OSGIN2: variants seen among roughly 807,000 people sequenced by gnomAD.
The protein encoded by OSGIN2 is oxidative stress-induced growth inhibitor 2.
Under a neutral mutation model 53.8 loss-of-function variants are expected in OSGIN2, and 19 were observed. The ratio of observed to expected loss-of-function variants is 0.35; its 90% CI spans 0.25 to 0.52. The LOEUF (loss-of-function observed/expected upper bound fraction) is 0.52. Ranked by LOEUF, OSGIN2 falls within the 20% of genes least tolerant of loss-of-function variation. The pLI, the probability that OSGIN2 is intolerant of heterozygous loss-of-function variation, is 0.95. For missense variants in OSGIN2, 520 were observed against 662.7 expected (o/e 0.78, Z 2.36); for synonymous variants, 236 against 236.0 (o/e 1.00, Z 0.00).
chr8:89,925,076 TAA>T lies in OSGIN2; in HGVS notation c.1196_1197del (p.Lys399SerfsTer19), dbSNP rs1260037910. 2.5e-6 allele frequency: 4 copies of T among 1,613,666 alleles called. No individual in the cohort carries two copies. The Admixed American group carries it at 6.7e-5, about 27-fold the overall frequency. ...CCAAAAAGCTGTATCCTGAATATCA[TAA>T]AGTCTATCATATGATGTGTACTCAG... ...LPKKLYPEYH[K>X]VYHMMCTQSY... On this transcript the variant is annotated frameshift_variant, in exon 6 of 6. Coordinates refer to ENST00000451899, the MANE Select transcript of OSGIN2 (RefSeq NM_001126111.3). LOFTEE classifies it high-confidence loss of function.
intron 5 of OSGIN2, among the ~76,000 whole-genome samples, chr8:89,922,948 T>C (rs1487702189): frequency 6.6e-6 from 1 of 152,060 alleles, no homozygotes; most frequent in African/African-American, 2.4e-5. Context: ...TGTATCTAAA[T>C]ATACAAAAAG....
intron 2 of OSGIN2, among the ~76,000 whole-genome samples, chr8:89,912,197 A>T (rs1226597835): frequency 6.6e-6 from 1 of 152,246 alleles, no homozygotes; most frequent in African/African-American, 2.4e-5. Context: ...AATAAGTGGT[A>T]ATCCAGAATA....
rs770835741 is a variant in OSGIN2 at position 89,925,095 on chromosome 8, T to G, written c.1213T>G (p.Cys405Gly). Residue 405 changes from cysteine (C) to glycine (G), a missense_variant, in exon 6 of 6, where the codon TGT becomes GGT. Coordinates refer to ENST00000451899, the MANE Select transcript of OSGIN2 (RefSeq NM_001126111.3). ...ATATCATAAAGTCTATCATATGATGTGTACTCAGTCATATTCTGTAGACTC... is the reference window on the plus strand; with the variant it reads ...ATATCATAAAGTCTATCATATGATGGGTACTCAGTCATATTCTGTAGACTC... ...PEYHKVYHMMCTQSYSVDSNL... is the reference protein window; with the variant it reads ...PEYHKVYHMMGTQSYSVDSNL... 2 of 1,612,816 alleles carry G rather than the reference T, an allele frequency of 1.2e-6. No homozygotes were observed. Among genetic ancestry groups the G allele is most frequent in the Non-Finnish European group, 1.7e-6 (2 of 1,178,740 alleles).
chr8:89,912,064 G>T (rs1234925643), intron 2 of OSGIN2, among the ~76,000 whole-genome samples: 1 of 151,662 alleles, frequency 6.6e-6, no homozygotes, highest in Non-Finnish European at 1.5e-5. Context: ...TATTCTTATG[G>T]TTTTACTTTT....
chr8:89,902,774 C>T lies in OSGIN2; in HGVS notation c.-20C>T. 3 of 1,237,440 alleles carry T rather than the reference C, an allele frequency of 2.4e-6. No homozygotes were observed. Among genetic ancestry groups the T allele is most frequent in the South Asian group, 7.6e-5 (2 of 26,288 alleles). The allele number at this position is 1,237,440 out of a possible 1,614,324, so 76.7% of individuals were successfully genotyped here. On this transcript the variant is annotated 5_prime_UTR_variant, in exon 1 of 6. Coordinates refer to ENST00000451899, the MANE Select transcript of OSGIN2 (RefSeq NM_001126111.3). ...GGCGGCCACGGCGGCCGCGCTCGGGCGCCCCTCGCGCAGCGCTCCATGCCC... is the reference window on the plus strand; with the variant it reads ...GGCGGCCACGGCGGCCGCGCTCGGGTGCCCCTCGCGCAGCGCTCCATGCCC...
chr8:89,916,996 A>T (rs545859985), intron 4 of OSGIN2, among the ~76,000 whole-genome samples: 2 of 152,276 alleles, frequency 1.3e-5, no homozygotes, highest in East Asian at 3.9e-4. Flanking sequence ...GACTGTCTCC[A>T]GACTGTCTCC....
intron 5 of OSGIN2, among the ~76,000 whole-genome samples, chr8:89,924,141 G>A (rs2697677): frequency 0.15 from 22,343 of 152,106 alleles, 2,140 homozygotes; most frequent in East Asian, 0.26. Flanking sequence ...TCAGTTGATA[G>A]TTATAGATTA....
At chr8:89,911,757 A>T (rs1209230270) in intron 2 of OSGIN2, among the ~76,000 whole-genome samples, 1 of 151,486 alleles carries the variant, frequency 6.6e-6, no homozygotes, top group East Asian at 1.9e-4. Context: ...ACAGGGTGAA[A>T]CCTTGTCTCT....
intron 1 of OSGIN2, among the ~76,000 whole-genome samples, chr8:89,909,065 T>TATATATATATA (rs1418669494): frequency 8.4e-6 from 1 of 118,786 alleles, no homozygotes; most frequent in African/African-American, 3.2e-5. Flanking sequence ...TATATATATA[T>TATATATATATA]AATGTATATG....
intron 2 of OSGIN2, among the ~76,000 whole-genome samples, chr8:89,911,946 A>G (rs1808977543): frequency 6.6e-6 from 1 of 152,204 alleles, no homozygotes; most frequent in African/African-American, 2.4e-5. Context: ...TCAAAAAAAA[A>G]AAAGATATAA....
chr8:89,912,228 A>G (rs977779534), intron 2 of OSGIN2, among the ~76,000 whole-genome samples: 3 of 152,242 alleles, frequency 2.0e-5, no homozygotes, highest in African/African-American at 7.2e-5. Flanking sequence ...TAATTCATAA[A>G]TGGAAGTAGT....
intron 2 of OSGIN2, among the ~76,000 whole-genome samples, chr8:89,913,384 A>T (rs1456185376): frequency 1.3e-5 from 2 of 152,240 alleles, no homozygotes; most frequent in Non-Finnish European, 1.5e-5. Context: ...TCTCACTGTC[A>T]TAATCTTTGC....
rs1249428333 is a variant in OSGIN2, at chr8:89,902,823, G to C, written c.30G>C (p.Leu10=). 7.3e-7 allele frequency: 1 copy of C among 1,378,768 alleles called. No individual in the cohort carries two copies. Among genetic ancestry groups the C allele is most frequent in the South Asian group, 1.7e-5 (1 of 58,660 alleles). 85.4% of individuals were successfully genotyped at this position (1,378,768 alleles called of 1,614,324 possible). Residue 10 remains leucine (L), a synonymous_variant, in exon 1 of 6, where the codon CTG becomes CTC. Transcript: ENST00000451899. ...CCGTGTGGTGCTGCCGCTGCTCCCT[G>C]GCCGGTCATTTCAGGTGACTTCCTC... MPVWCCRCS[L]AGHFRNYSDT...
Position 89,927,728 on chromosome 8 carries a change from G to GTT in OSGIN2, c.*2199_*2200dup, listed in dbSNP as rs1809378720. Reference sequence around the variant, plus strand: ...AAAAGATTTAATTACAGCTTCCAGTGTTTTGACTATGTGAACCATATCCAA... The same window carrying GTT: ...AAAAGATTTAATTACAGCTTCCAGTGTTTTTTGACTATGTGAACCATATCCAA... On this transcript the variant is annotated 3_prime_UTR_variant, in exon 6 of 6. Transcript: ENST00000451899. 6.6e-6 allele frequency: 1 copy of GTT among 152,200 alleles called. No homozygotes were observed. The highest frequency in any genetic ancestry group is 2.4e-5 in the African/African-American group (1 of 41,450). 9.4% of individuals were successfully genotyped at this position (152,200 alleles called of 1,614,324 possible). A position where few individuals can be genotyped will look rare whatever the true frequency, so the allele number is the denominator to read the frequency against.
rs200077072 is a variant in OSGIN2, at chr8:89,924,836, A to G, written c.954A>G (p.Glu318=). The change falls in exon 6 of 6, where the codon GAA becomes GAG. Residue 318 remains glutamate (E), a synonymous_variant. Transcript: ENST00000451899. ...TLDSPAHLEI[E]GEDFPFVFHS... is the part of the protein sequence containing the mutation. ...ATTCTCCTGCCCATCTGGAAATTGA[A>G]GGGGAAGATTTTCCTTTTGTGTTTC... 6 of 1,614,170 alleles carry G rather than the reference A, an allele frequency of 3.7e-6. No homozygotes were observed. The East Asian group carries it at 1.3e-4, about 36-fold the overall frequency.
chr8:89,904,952 G>C (rs1048288094), intron 1 of OSGIN2, among the ~76,000 whole-genome samples: 1 of 152,246 alleles, frequency 6.6e-6, no homozygotes, highest in Non-Finnish European at 1.5e-5. Context: ...TGTTCTGGAA[G>C]ATGAAGAGTG....
Position 89,924,982 on chromosome 8 carries a change from G to T in OSGIN2, c.1100G>T (p.Ser367Ile), listed in dbSNP as rs759236979. The change falls in exon 6 of 6, where the codon AGT (serine) becomes ATT (isoleucine). Residue 367 changes from serine (S) to isoleucine (I), a missense_variant. By Grantham distance (142) the Ser-to-Ile change is moderately radical. Coordinates refer to ENST00000451899, the MANE Select transcript of OSGIN2 (RefSeq NM_001126111.3). The stretch of plus-strand genomic sequence containing the variant: ...GACGCAGTACTGTGTGCTTACAACA[G>T]TAATATCCCTGTGATTCATGTGTTT... ...AADAVLCAYN[S>I]NIPVIHVFRR... 6 of 1,614,158 alleles carry T rather than the reference G, an allele frequency of 3.7e-6. No individual in the cohort carries two copies. The highest frequency in any genetic ancestry group is 5.1e-6 in the Non-Finnish European group (6 of 1,179,990).
chr8:89,913,712 T>A (rs1420064962), intron 2 of OSGIN2, among the ~76,000 whole-genome samples: 1 of 152,190 alleles, frequency 6.6e-6, no homozygotes. Flanking sequence ...AGAGGGCACC[T>A]CAATGAAGGG....
At chr8:89,920,798 C>T (rs1809181961) in intron 4 of OSGIN2, among the ~76,000 whole-genome samples, 1 of 152,072 alleles carries the variant, frequency 6.6e-6, no homozygotes. Context: ...CCAAAGTTAT[C>T]AACATTGTGT....
Sources: allele counts gnomAD v4.1 joint callset (sites outside exome capture counted in the v4.1 genomes callset), GRCh38; gene constraint gnomAD v4.1.1; transcripts MANE v1.5; gene names NCBI Gene and HGNC (gene_info 2026-07-23, HGNC 2026-07-21).